COL28A1: variants seen among roughly 807,000 people sequenced by gnomAD.
COL28A1 encodes collagen type XXVIII alpha 1 chain, also known as collagen alpha-1(XXVIII) chain.
Under a neutral mutation model 150.2 loss-of-function variants are expected in COL28A1, and 161 were observed. The observed-to-expected ratio is 1.07, with a 90% CI of 0.94 to 1.22. COL28A1 has a LOEUF of 1.22. Among genes scored for constraint, COL28A1 ranks in the 50% most tolerant of loss-of-function variants. COL28A1 has a pLI of 0.00. For synonymous variants in COL28A1, 552 were observed against 469.7 expected, an observed-to-expected ratio of 1.18 and a Z score of -2.26; for missense variants, 1,617 against 1,388.3, an observed-to-expected ratio of 1.16 and a Z score of -2.62.
chr7:7,354,952 C>T (rs919953242), downstream of COL28A1, among the ~76,000 whole-genome samples: 1 of 152,092 alleles, frequency 6.6e-6, no homozygotes, highest in African/African-American at 2.4e-5. Context: ...GGAGCCAGCA[C>T]TCAGAGTCAC....
Position 7,423,943 on chromosome 7 carries a change from C to T in COL28A1, c.1999-3990G>A, listed in dbSNP as rs116382987. Among the ~76,000 whole-genome samples, 924 of 152,252 alleles carry T rather than the reference C, an allele frequency of 6.1e-3. 6 individuals carry two copies. The highest frequency in any genetic ancestry group is 0.021 in the African/African-American group (875 of 41,540). On this transcript the variant is annotated intron_variant, in intron 25 of 34. Transcript: ENST00000399429. ...TGTTCTCTCTGTCCCGCAGCCTCAG[C>T]CAATGAATTTAAGATGTGTTCCATG...
At chr7:7,342,357 ATAGT>A in the COL28A1 span, among the ~76,000 whole-genome samples, 254 of 152,166 alleles carry the variant, frequency 1.7e-3, no homozygotes, top group Non-Finnish European at 3.2e-3. Flanking sequence ...AAAAGAATGT[ATAGT>A]TAGATATTTT....
chr7:7,391,345 T>A (rs2128294173), intron 27 of COL28A1, among the ~76,000 whole-genome samples: 1 of 152,296 alleles, frequency 6.6e-6, no homozygotes, highest in South Asian at 2.1e-4. Context: ...TGAGAGATTG[T>A]TTGTTATGAT....
chr7:7,509,825 T>A (rs939063196), intron 9 of COL28A1, among the ~76,000 whole-genome samples: 1 of 152,242 alleles, frequency 6.6e-6, no homozygotes, highest in Non-Finnish European at 1.5e-5. Flanking sequence ...ATTGCCAATA[T>A]CCAGGTCCAT....
chr7:7,413,477 T>C (rs866608710), intron 27 of COL28A1, among the ~76,000 whole-genome samples: 3 of 152,170 alleles, frequency 2.0e-5, no homozygotes, highest in Non-Finnish European at 1.5e-5. Context: ...CCAAGCCACT[T>C]TGCAATTAAG....
chr7:7,485,122 T>G (rs1400362754), intron 13 of COL28A1, among the ~76,000 whole-genome samples: 6 of 151,842 alleles, frequency 4.0e-5, no homozygotes, highest in Non-Finnish European at 7.4e-5. Flanking sequence ...CCCCTGAACC[T>G]CAAATAAAAG....
At chr7:7,462,333 C>CA (rs1160299891) in intron 15 of COL28A1, among the ~76,000 whole-genome samples, 1 of 152,208 alleles carries the variant, frequency 6.6e-6, no homozygotes, top group South Asian at 2.1e-4. Flanking sequence ...TTAACACCCC[C>CA]AAAAAATTAC....
At chr7:7,374,042 T>C (rs939358347) in intron 31 of COL28A1, among the ~76,000 whole-genome samples, 2 of 124,628 alleles carry the variant, frequency 1.6e-5, no homozygotes, top group Non-Finnish European at 3.2e-5. Context: ...AAAAAAAATA[T>C]ATATATATAT....
intron 26 of COL28A1, among the ~76,000 whole-genome samples, chr7:7,419,236 G>T (rs1158594548): frequency 1.3e-5 from 2 of 152,190 alleles, no homozygotes; most frequent in Non-Finnish European, 2.9e-5. Flanking sequence ...TCTGATGGGA[G>T]GCTGTCCTGG....
chr7:7,514,962 A>C (rs1781341767), intron 8 of COL28A1, among the ~76,000 whole-genome samples: 1 of 152,114 alleles, frequency 6.6e-6, no homozygotes, highest in Non-Finnish European at 1.5e-5. Flanking sequence ...AGTCTTGGCT[A>C]CCCAATGCAT....
chr7:7,368,555 G>C (rs1008759695), intron 33 of COL28A1, among the ~76,000 whole-genome samples: 5 of 152,130 alleles, frequency 3.3e-5, no homozygotes, highest in African/African-American at 1.2e-4. Flanking sequence ...TGAATCCCCA[G>C]TGTGATGGTA....
At chr7:7,499,257 G>C (rs528815186) in intron 11 of COL28A1, among the ~76,000 whole-genome samples, 1 of 152,206 alleles carries the variant, frequency 6.6e-6, no homozygotes, top group Non-Finnish European at 1.5e-5. Flanking sequence ...TTGGCTATGA[G>C]TCTTCATTTA....
intron 16 of COL28A1, 124 bp downstream of exon 16, chr7:7,455,920 T>G (rs1049108888): frequency 2.3e-6 from 3 of 1,323,416 alleles, no homozygotes; most frequent in East Asian, 5.2e-5. Flanking sequence ...ACTTCTGGAC[T>G]TATACTCCAC....
chr7:7,340,628 T>C, the COL28A1 span, among the ~76,000 whole-genome samples: 8 of 152,106 alleles, frequency 5.3e-5, no homozygotes, highest in Non-Finnish European at 8.8e-5. Flanking sequence ...CACTTTGTAC[T>C]AGGAATTGCC....
chr7:7,503,288 T>C (rs1464522400), intron 11 of COL28A1, among the ~76,000 whole-genome samples: 1 of 152,220 alleles, frequency 6.6e-6, no homozygotes, highest in African/African-American at 2.4e-5. Context: ...TAGACTAATC[T>C]GTACAATGGA....
chr7:7,426,991 A>G (rs17167617), intron 25 of COL28A1, among the ~76,000 whole-genome samples: 11,531 of 152,256 alleles, frequency 0.076, 1,412 homozygotes, highest in African/African-American at 0.26. Context: ...CAAAAATAAC[A>G]ATATGTTTAT....
chr7:7,448,868 A>G lies in COL28A1; in HGVS notation c.1509+3451T>C, dbSNP rs556903401. ...AAAATATCATATAGTATATAATTCCATAAAAATCTAGAAAATGCAAACTAG... is the reference window on the plus strand; with the variant it reads ...AAAATATCATATAGTATATAATTCCGTAAAAATCTAGAAAATGCAAACTAG... On this transcript the variant is annotated intron_variant, in intron 18 of 34. Coordinates refer to ENST00000399429, the MANE Select transcript of COL28A1 (RefSeq NM_001037763.3). Among the ~76,000 whole-genome samples the G allele has an allele frequency of 3.9e-5, 6 of 152,214 alleles. No homozygotes were observed. In the East Asian group the frequency reaches 1.2e-3, roughly 29 times the overall value.
At chr7:7,414,473 G>A (rs1239883803) in intron 27 of COL28A1, among the ~76,000 whole-genome samples, 3 of 152,236 alleles carry the variant, frequency 2.0e-5, no homozygotes, top group Non-Finnish European at 4.4e-5. Flanking sequence ...AGCCAGTTGG[G>A]CCAGCAGAGG....
intron 3 of COL28A1, among the ~76,000 whole-genome samples, chr7:7,529,991 C>G (rs1227756663): frequency 4.7e-5 from 2 of 42,630 alleles, no homozygotes; most frequent in African/African-American, 1.6e-4. Context: ...CTCCCATTTA[C>G]CCCGAATCCC....
Sources: gnomAD v4.1 joint callset for allele counts (sites outside exome capture counted in the v4.1 genomes callset) on GRCh38, gnomAD v4.1.1 for gene constraint, MANE v1.5 for transcripts, NCBI Gene and HGNC (gene_info 2026-07-23, HGNC 2026-07-21) for gene names.